Variants in SH3BGRL2 observed in about 807,000 individuals in gnomAD.
SH3BGRL2 encodes SH3 domain-binding glutamic acid-rich-like protein 2.
A neutral mutation model predicts 14.8 loss-of-function variants in SH3BGRL2; 21 were observed. The ratio of observed to expected loss-of-function variants is 1.42; its 90% CI spans 1.01 to 2.05. The LOEUF is 2.05. Ranked by LOEUF, SH3BGRL2 falls within the 30% of genes most tolerant of loss-of-function variation. The pLI is 0.00. For synonymous variants in SH3BGRL2, 50 were observed against 47.8 expected (o/e 1.05, Z -0.19); for missense variants, 147 against 130.8 (o/e 1.12, Z -0.61).
chr6:79,541,186 A>T, the SH3BGRL2 span, among the ~76,000 whole-genome samples: 1 of 151,946 alleles, frequency 6.6e-6, no homozygotes. Flanking sequence ...CTGGGAGGCA[A>T]AGGTTGCAGT....
the SH3BGRL2 span, among the ~76,000 whole-genome samples, chr6:79,608,501 C>G: frequency 6.6e-6 from 1 of 152,176 alleles, no homozygotes; most frequent in East Asian, 1.9e-4. Flanking sequence ...GTTTAACTCA[C>G]TGTGTCGTAC....
the SH3BGRL2 span, among the ~76,000 whole-genome samples, chr6:79,548,281 ATG>A: frequency 6.6e-6 from 1 of 152,242 alleles, no homozygotes; most frequent in Non-Finnish European, 1.5e-5. Context: ...CATTATATAT[ATG>A]CCAAATTTTT....
chr6:79,573,932 G>A, the SH3BGRL2 span: 3 of 151,990 alleles, frequency 2.0e-5, no homozygotes, highest in South Asian at 4.2e-4. Context: ...TGTTTTATTT[G>A]TGTATTTCCT....
the SH3BGRL2 span, among the ~76,000 whole-genome samples, chr6:79,584,122 T>C: frequency 2.6e-5 from 4 of 152,170 alleles, no homozygotes; most frequent in Non-Finnish European, 5.9e-5. Context: ...CTCATTTACT[T>C]TATTTTATTT....
intron 1 of SH3BGRL2, among the ~76,000 whole-genome samples, chr6:79,641,124 T>A (rs2127723844): frequency 6.6e-6 from 1 of 151,460 alleles, no homozygotes; most frequent in African/African-American, 2.4e-5. Flanking sequence ...CCATGTGTAT[T>A]AAAGCTCAGT....
At chr6:79,680,112 C>T (rs906634694) in intron 2 of SH3BGRL2, among the ~76,000 whole-genome samples, 6 of 152,104 alleles carry the variant, frequency 3.9e-5, no homozygotes, top group Admixed American at 2.0e-4. Flanking sequence ...TATTTTTGCT[C>T]TTGTTACTTG....
the SH3BGRL2 span, among the ~76,000 whole-genome samples, chr6:79,594,898 T>C: frequency 6.6e-6 from 1 of 152,210 alleles, no homozygotes; most frequent in Non-Finnish European, 1.5e-5. Flanking sequence ...ATTATGTGCT[T>C]ATCTTGGGAA....
chr6:79,558,816 A>T, the SH3BGRL2 span, among the ~76,000 whole-genome samples: 2 of 152,184 alleles, frequency 1.3e-5, no homozygotes, highest in African/African-American at 4.8e-5. Context: ...CAGGGCTTCT[A>T]GGAAGAATGG....
rs1412302932 is a variant in SH3BGRL2, at chr6:79,702,417, G to T, written c.*2908G>T. ...TTGCTCCATATAATTATTGTTTTCA[G>T]ATTTCAACTTGTATGTGTTTGTCTC... On this transcript the variant is annotated 3_prime_UTR_variant, in exon 4 of 4. Coordinates refer to ENST00000369838, the MANE Select transcript of SH3BGRL2 (RefSeq NM_031469.4). 2 of 152,530 alleles carry T rather than the reference G, an allele frequency of 1.3e-5. No homozygotes were observed. The highest frequency in any genetic ancestry group is 4.8e-5 in the African/African-American group (2 of 41,430). The allele number at this position is 152,530 out of a possible 1,614,324, so 9.4% of individuals were successfully genotyped here.
the SH3BGRL2 span, among the ~76,000 whole-genome samples, chr6:79,565,355 T>A: frequency 6.6e-6 from 1 of 152,190 alleles, no homozygotes; most frequent in Non-Finnish European, 1.5e-5. Context: ...AATTTTTAAA[T>A]TTTAAATTTA....
At chr6:79,665,625 T>C (rs2127730869) in intron 1 of SH3BGRL2, among the ~76,000 whole-genome samples, 1 of 152,108 alleles carries the variant, frequency 6.6e-6, no homozygotes, top group South Asian at 2.1e-4. Context: ...AAAACCAAAG[T>C]TAAAAGTATG....
the SH3BGRL2 span, among the ~76,000 whole-genome samples, chr6:79,552,394 A>T: frequency 6.6e-6 from 1 of 152,202 alleles, no homozygotes; most frequent in African/African-American, 2.4e-5. Flanking sequence ...GGGGAGTGTG[A>T]CTTAACCCTT....
chr6:79,615,962 A>T, the SH3BGRL2 span, among the ~76,000 whole-genome samples: 3 of 151,542 alleles, frequency 2.0e-5, no homozygotes, highest in African/African-American at 7.3e-5. Flanking sequence ...GATTACAGGC[A>T]TGTGCCACCA....
chr6:79,646,065 C>T (rs371109296), intron 1 of SH3BGRL2, among the ~76,000 whole-genome samples: 1 of 152,132 alleles, frequency 6.6e-6, no homozygotes, highest in African/African-American at 2.4e-5. Context: ...TCTTATATAT[C>T]GTAGATATAA....
At chr6:79,567,165 C>T in the SH3BGRL2 span, among the ~76,000 whole-genome samples, 3 of 152,142 alleles carry the variant, frequency 2.0e-5, no homozygotes, top group Non-Finnish European at 4.4e-5. Context: ...TCTCTCCACA[C>T]TCCTTTAAAA....
chr6:79,679,525 G>A (rs990229694), intron 2 of SH3BGRL2, among the ~76,000 whole-genome samples: 2 of 152,056 alleles, frequency 1.3e-5, no homozygotes, highest in Non-Finnish European at 2.9e-5. Context: ...CACATAGTTT[G>A]TGAATATTTT....
chr6:79,597,705 A>G, the SH3BGRL2 span, among the ~76,000 whole-genome samples: 1 of 152,210 alleles, frequency 6.6e-6, no homozygotes, highest in Non-Finnish European at 1.5e-5. Context: ...GAACATGGCA[A>G]TGATTTCTTA....
At chr6:79,696,101 A>G (rs1383637397) in intron 2 of SH3BGRL2, among the ~76,000 whole-genome samples, 1 of 152,166 alleles carries the variant, frequency 6.6e-6, no homozygotes, top group Non-Finnish European at 1.5e-5. Flanking sequence ...AACCCTAGAT[A>G]ACAAAATATC....
At chr6:79,599,258 TTTG>T in the SH3BGRL2 span, among the ~76,000 whole-genome samples, 1 of 152,078 alleles carries the variant, frequency 6.6e-6, no homozygotes, top group Non-Finnish European at 1.5e-5. Flanking sequence ...GAAGTGCAAA[TTTG>T]GATCGCCACT....
Sources: gnomAD v4.1 joint callset for allele counts (sites outside exome capture counted in the v4.1 genomes callset) on GRCh38, gnomAD v4.1.1 for gene constraint, MANE v1.5 for transcripts, NCBI Gene and HGNC (gene_info 2026-07-23, HGNC 2026-07-21) for gene names.